Variants in NFASC observed in about 807,000 individuals in gnomAD.
The protein encoded by NFASC is neurofascin homolog.
A neutral mutation model predicts 147.5 loss-of-function variants in NFASC; 43 were observed. The ratio of observed to expected loss-of-function variants is 0.29; its 90% CI spans 0.23 to 0.38. NFASC has a LOEUF of 0.38. NFASC is among the 10% of genes least tolerant of loss of function. The probability of loss-of-function intolerance (pLI) is 1.00; values close to 1 mark genes in which losing one functional copy is unlikely to be tolerated. For synonymous variants in NFASC, 622 were observed against 665.5 expected (o/e 0.93, Z 1.01); for missense variants, 1,320 against 1,689.0 (o/e 0.78, Z 3.83).
Position 204,974,526 on chromosome 1 carries a change from G to A in NFASC, c.1392-131G>A, listed in dbSNP as rs776993028. 45 of 1,130,954 alleles carry A rather than the reference G, an allele frequency of 4.0e-5. No homozygotes were observed. In the African/African-American group the frequency reaches 6.1e-4, roughly 15 times the overall value. The allele number at this position is 1,130,954 out of a possible 1,614,324, so 70.1% of individuals were successfully genotyped here. On this transcript the variant is annotated intron_variant, in intron 13 of 29. Coordinates refer to ENST00000339876, the MANE Select transcript of NFASC (RefSeq NM_001005388.3). Reference sequence around the variant, plus strand: ...TGGTGGCTAGAGGCAGACCCTCCGAGGCTCAGGGCTCCAGTCTCCTAGCAT... The same window carrying A: ...TGGTGGCTAGAGGCAGACCCTCCGAAGCTCAGGGCTCCAGTCTCCTAGCAT...
At chr1:204,832,629 C>T (rs1410355230) in intron 1 of NFASC, among the ~76,000 whole-genome samples, 1 of 152,224 alleles carries the variant, frequency 6.6e-6, no homozygotes, top group African/African-American at 2.4e-5. Flanking sequence ...AGTAGCCCCT[C>T]TTTTCCCCCA....
Position 204,974,193 on chromosome 1 carries a change from A to T in NFASC, c.1294A>T (p.Met432Leu), listed in dbSNP as rs750873953. The change falls in exon 13 of 30, where the codon ATG becomes TTG. Residue 432 changes from methionine (M) to leucine (L), a missense_variant. By Grantham distance (15) the Met-to-Leu change is conservative. Transcript: ENST00000339876. ...FVSVLDVPPR[M>L]LSPRNQLIRV... ...GGGAATTTCAGATGTGCCGCCTCGGATGCTGTCGCCCCGGAACCAGCTCAT... is the reference window on the plus strand; with the variant it reads ...GGGAATTTCAGATGTGCCGCCTCGGTTGCTGTCGCCCCGGAACCAGCTCAT... The T allele has an allele frequency of 3.1e-6, 5 of 1,613,794 alleles. No individual in the cohort carries two copies. In the South Asian group the frequency reaches 4.4e-5, roughly 14 times the overall value.
At chr1:204,918,963 C>A (rs1188872424) in intron 1 of NFASC, among the ~76,000 whole-genome samples, 1 of 152,146 alleles carries the variant, frequency 6.6e-6, no homozygotes, top group Non-Finnish European at 1.5e-5. Context: ...GTAACAAGGT[C>A]TGTTCAAAGT....
chr1:204,980,377 G>A lies in NFASC; in HGVS notation c.2184G>A (p.Glu728=). Residue 728 remains glutamate (E), a synonymous_variant, in exon 20 of 30, where the codon GAG becomes GAA. Coordinates refer to ENST00000339876, the MANE Select transcript of NFASC (RefSeq NM_001005388.3). The stretch of plus-strand genomic sequence containing the variant: ...TGTCTGTTTGGGTTCCAGCCCCCGA[G>A]TCCAATCCTGGTGACGTGAAGGGAG... ...ERYRTSGAPP[E]SNPGDVKGEG... 1 of 1,613,712 alleles carries A rather than the reference G, an allele frequency of 6.2e-7. No homozygotes were observed. Among genetic ancestry groups the A allele is most frequent in the South Asian group, 1.1e-5 (1 of 90,972 alleles).
Position 204,997,363 on chromosome 1 carries a change from G to A in NFASC, c.2976G>A (p.Glu992=). The A allele has an allele frequency of 6.4e-7, 1 of 1,555,078 alleles. No individual in the cohort carries two copies. Among genetic ancestry groups the A allele is most frequent in the South Asian group, 1.2e-5 (1 of 84,768 alleles). Residue 992 remains glutamate, a synonymous_variant, in exon 25 of 30, where the codon GAG becomes GAA. Transcript: ENST00000339876. The part of the protein sequence containing the change: ...TTTAAATTTT[E]SPPTTTSGTK... ...CTGCTGCCGCCACCACCACCACGGA[G>A]AGTCCTCCCACCACCACCTCCGGGA...
At chr1:204,990,275 T>G (rs1319218779) in intron 23 of NFASC, 1 of 152,154 alleles carries the variant, frequency 6.6e-6, no homozygotes, top group Non-Finnish European at 1.5e-5. Flanking sequence ...CAGGGGGACT[T>G]AGGTTAGTGG....
At chr1:204,959,545 G>T (rs1027101056) in intron 8 of NFASC, among the ~76,000 whole-genome samples, 2 of 152,232 alleles carry the variant, frequency 1.3e-5, no homozygotes, top group Admixed American at 6.5e-5. Context: ...TTGGCAGGGG[G>T]AGGAGCAGGG....
intron 27 of NFASC, among the ~76,000 whole-genome samples, chr1:205,003,179 A>C (rs1479669470): frequency 6.6e-6 from 1 of 152,146 alleles, no homozygotes; most frequent in Non-Finnish European, 1.5e-5. Flanking sequence ...CTTGATCTAG[A>C]AATCGCTCCA....
chr1:204,844,477 G>T (rs1041090478), intron 1 of NFASC, among the ~76,000 whole-genome samples: 3 of 152,148 alleles, frequency 2.0e-5, no homozygotes, highest in Non-Finnish European at 2.9e-5. Context: ...GATACTGTGG[G>T]TATTACAGTG....
In NFASC at chr1:205,009,674, G is replaced by T; in HGVS notation, c.3407G>T (p.Gly1136Val). The T allele has an allele frequency of 3.1e-6, 5 of 1,613,992 alleles. No homozygotes were observed. Among genetic ancestry groups the T allele is most frequent in the Non-Finnish European group, 4.2e-6 (5 of 1,179,982 alleles). ...LIVCFIKRSR[G>V]GKYPVREKKD... is the part of the protein sequence containing the mutation. ...GTCTGTTTCATCAAGAGGAGTCGCG[G>T]CGGCAAGTACCCAGGTGAGATGTGC... The change falls in exon 28 of 30, where the codon GGC becomes GTC. Residue 1136 changes from glycine (G) to valine (V), a missense_variant. By Grantham distance (109) the Gly-to-Val change is moderately radical. Transcript: ENST00000339876.
chr1:204,888,828 C>A (rs2081835510), intron 1 of NFASC, among the ~76,000 whole-genome samples: 1 of 152,154 alleles, frequency 6.6e-6, no homozygotes, highest in African/African-American at 2.4e-5. Flanking sequence ...AGGAAACAGC[C>A]AATTACATGG....
intron 1 of NFASC, among the ~76,000 whole-genome samples, chr1:204,879,687 T>C (rs1447335910): frequency 6.6e-6 from 1 of 152,224 alleles, no homozygotes; most frequent in Non-Finnish European, 1.5e-5. Context: ...AGGGCAGTTC[T>C]TTTGGAAATG....
intron 1 of NFASC, among the ~76,000 whole-genome samples, chr1:204,841,489 T>C (rs555354838): frequency 1.3e-5 from 2 of 152,288 alleles, no homozygotes; most frequent in Admixed American, 1.3e-4. Context: ...TCTGACAGCA[T>C]GGGAGCTTTG....
intron 1 of NFASC, among the ~76,000 whole-genome samples, chr1:204,841,413 A>G (rs1311172751): frequency 1.3e-5 from 2 of 152,172 alleles, no homozygotes; most frequent in Admixed American, 6.5e-5. Flanking sequence ...TGTTGCTTGT[A>G]TTAGTTAGTG....
chr1:205,004,575 A>G (rs1490064533), intron 27 of NFASC, among the ~76,000 whole-genome samples: 1 of 152,190 alleles, frequency 6.6e-6, no homozygotes, highest in Non-Finnish European at 1.5e-5. Flanking sequence ...TGCAAACCAC[A>G]TAGGGAAAGG....
chr1:204,978,936 C>T, intron 17 of NFASC, 32 bp from the exon 18 acceptor site: 4 of 1,511,856 alleles, frequency 2.6e-6, no homozygotes, highest in Non-Finnish European at 3.6e-6. Context: ...TGCTCTAACT[C>T]AGGAGGCCTG....
At chr1:204,870,220 G>A (rs755508897) in intron 1 of NFASC, among the ~76,000 whole-genome samples, 2 of 152,100 alleles carry the variant, frequency 1.3e-5, no homozygotes, top group Non-Finnish European at 2.9e-5. Flanking sequence ...AGGGCCACAC[G>A]CATGGCTGTA....
At chr1:204,985,318 C>G (rs1174467462) in intron 21 of NFASC, among the ~76,000 whole-genome samples, 1 of 152,000 alleles carries the variant, frequency 6.6e-6, no homozygotes, top group African/African-American at 2.4e-5. Flanking sequence ...GCCTGGCATC[C>G]CACTGACTTG....
At chr1:204,944,001 A>T (rs1396579739) in intron 2 of NFASC, among the ~76,000 whole-genome samples, 1 of 152,168 alleles carries the variant, frequency 6.6e-6, no homozygotes, top group Non-Finnish European at 1.5e-5. Context: ...TATCGGGTAG[A>T]GGTCAGAGAT....
Sources: allele counts gnomAD v4.1 joint callset (sites outside exome capture counted in the v4.1 genomes callset), GRCh38; gene constraint gnomAD v4.1.1; transcripts MANE v1.5; gene names NCBI Gene and HGNC (gene_info 2026-07-23, HGNC 2026-07-21).